RELN: variants seen among roughly 807,000 people sequenced by gnomAD.
RELN encodes reelin.
In RELN, 108 loss-of-function variants were observed where a neutral mutation model predicts 427.6. That is an observed-to-expected ratio of 0.25 (90% confidence interval 0.22 to 0.30). The LOEUF (loss-of-function observed/expected upper bound fraction) is 0.30. Among genes scored for constraint, RELN ranks in the 10% least tolerant of loss-of-function variants. The pLI, the probability that RELN is intolerant of heterozygous loss-of-function variation, is 1.00. For synonymous variants in RELN, 1,524 were observed against 1,513.4 expected (o/e 1.01, Z -0.16); for missense variants, 3,715 against 4,302.8 (o/e 0.86, Z 3.82).
intron 10 of RELN, among the ~76,000 whole-genome samples, chr7:103,682,515 A>C (rs747346249): frequency 6.6e-6 from 1 of 152,174 alleles, no homozygotes; most frequent in Non-Finnish European, 1.5e-5. Flanking sequence ...CTTCAGTATG[A>C]AACAAGAGTA....
At chr7:103,746,587 T>C (rs1790837961) in intron 6 of RELN, among the ~76,000 whole-genome samples, 1 of 151,822 alleles carries the variant, frequency 6.6e-6, no homozygotes, top group Non-Finnish European at 1.5e-5. Context: ...AACAACCCCA[T>C]CAAAAAGTGG....
intron 2 of RELN, among the ~76,000 whole-genome samples, chr7:103,913,306 A>C (rs1321533928): frequency 6.6e-6 from 1 of 152,182 alleles, no homozygotes; most frequent in African/African-American, 2.4e-5. Flanking sequence ...AAGTAGGAAA[A>C]AAACTTTCAG....
chr7:103,553,817 T>A lies in RELN; in HGVS notation c.5812A>T (p.Ile1938Phe). Residue 1938 changes from isoleucine to phenylalanine, a missense_variant, in exon 39 of 65, where the codon ATC (isoleucine) becomes TTC (phenylalanine). Physicochemically the swap from Ile to Phe is conservative, Grantham distance 21. Around this residue, in one of 4 missense-constraint regions of RELN, gnomAD observed 1,310 missense variants for 1,643.0 expected, o/e 0.80. Coordinates refer to ENST00000428762, the MANE Select transcript of RELN (RefSeq NM_005045.4). ...ATAATGAAGTCATCAACAATCCAGA[T>A]TTCTTCTTTCTTACCTAAGGCATTT... Reference protein sequence around the residue: ...QPYNNGKKEEIWIVDDFIIDG... With the variant: ...QPYNNGKKEEFWIVDDFIIDG... 1 of 1,614,044 alleles carries A rather than the reference T, an allele frequency of 6.2e-7. No homozygotes were observed. The highest frequency in any genetic ancestry group is 8.5e-7 in the Non-Finnish European group (1 of 1,179,936).
intron 24 of RELN, among the ~76,000 whole-genome samples, chr7:103,599,719 T>G (rs1049471342): frequency 7.9e-5 from 12 of 152,120 alleles, no homozygotes; most frequent in African/African-American, 2.2e-4. Context: ...GCAGAGAAGA[T>G]GAAAGGCATA....
In RELN at chr7:103,553,730, C is replaced by G; in HGVS notation, c.5899G>C (p.Glu1967Gln). ...LLDTFDFGPR[E>Q]DNWFFYPGGN... is the part of the protein sequence containing the mutation. ...CCAGGATAGAAAAACCAATTGTCTT[C>G]TCTGGGCCCAAAATCAAATGTATCC... The change falls in exon 39 of 65, where the codon GAA becomes CAA. Residue 1967 changes from glutamate to glutamine, a missense_variant. Transcript: ENST00000428762. 1 of 1,614,136 alleles carries G rather than the reference C, an allele frequency of 6.2e-7. No individual in the cohort carries two copies. The highest frequency in any genetic ancestry group is 8.5e-7 in the Non-Finnish European group (1 of 1,179,986).
chr7:103,583,013 A>G (rs975451528), intron 28 of RELN, among the ~76,000 whole-genome samples: 1 of 152,202 alleles, frequency 6.6e-6, no homozygotes, highest in African/African-American at 2.4e-5. Context: ...CAAAGTGTAC[A>G]TGGGCTCTTA....
chr7:103,633,248 AC>A (rs1303933991), intron 19 of RELN, among the ~76,000 whole-genome samples: 2 of 152,112 alleles, frequency 1.3e-5, no homozygotes, highest in Non-Finnish European at 2.9e-5. Flanking sequence ...TATGGAATTC[AC>A]GGCAATTACA....
chr7:103,519,548 A>T (rs762666857), intron 48 of RELN, 32 bp from the exon 49 acceptor site: 1 of 1,509,658 alleles, frequency 6.6e-7, no homozygotes, highest in African/African-American at 1.4e-5. Flanking sequence ...AAAAAAAGTG[A>T]TAAGGAATCT....
At position 103,560,609 on chromosome 7, in the gene RELN, C is replaced by T. The variant is rs143492407; in HGVS notation, c.5529+923G>A. Among the ~76,000 whole-genome samples the T allele has an allele frequency of 4.8e-4, 73 of 152,266 alleles. 1 individual carries two copies. The East Asian group carries it at 0.014, about 29-fold the overall frequency. On this transcript the variant is annotated intron_variant, in intron 36 of 64. Transcript: ENST00000428762. ...AGATGTGAGCTAATGGTAATGAGAA[C>T]TAACATCTTAGATAAGACAAAACAA...
At chr7:103,838,782 C>T (rs1244650906) in intron 2 of RELN, among the ~76,000 whole-genome samples, 1 of 152,220 alleles carries the variant, frequency 6.6e-6, no homozygotes, top group African/African-American at 2.4e-5. Flanking sequence ...CCTCCTGATT[C>T]CTCAAAACCC....
chr7:103,754,495 G>A (rs1420104422), intron 4 of RELN, among the ~76,000 whole-genome samples: 1 of 152,032 alleles, frequency 6.6e-6, no homozygotes, highest in African/African-American at 2.4e-5. Flanking sequence ...AAGTGAGGCT[G>A]AGAGAAGTAG....
chr7:103,595,874 T>C (rs1005397700), intron 25 of RELN, among the ~76,000 whole-genome samples: 2 of 152,166 alleles, frequency 1.3e-5, no homozygotes, highest in Admixed American at 6.5e-5. Context: ...GTACTGGTAT[T>C]AGTATTAAAC....
chr7:103,476,503 CA>C (rs779806990), intron 64 of RELN, among the ~76,000 whole-genome samples: 2 of 151,982 alleles, frequency 1.3e-5, no homozygotes, highest in Non-Finnish European at 2.9e-5. Context: ...AACAAACAAA[CA>C]AAAAAACCAC....
At chr7:103,723,735 C>T (rs890260633) in intron 7 of RELN, among the ~76,000 whole-genome samples, 1 of 152,016 alleles carries the variant, frequency 6.6e-6, no homozygotes, top group East Asian at 1.9e-4. Flanking sequence ...AATAATGGTT[C>T]CATAACTTTG....
chr7:103,924,000 G>T (rs533002238), intron 1 of RELN, among the ~76,000 whole-genome samples: 2 of 152,252 alleles, frequency 1.3e-5, no homozygotes, highest in Admixed American at 1.3e-4. Context: ...AAACAAAGAG[G>T]GGAGGGCTAA....
intron 2 of RELN, among the ~76,000 whole-genome samples, chr7:103,865,132 CAAAAAAAAAA>C (rs386410871): frequency 6.0e-5 from 4 of 67,198 alleles, no homozygotes; most frequent in African/African-American, 6.4e-5. Flanking sequence ...GAAACTGTCT[CAAAAAAAAAA>C]AAAAAAAAAA....
Position 103,535,316 on chromosome 7 carries a change from C to T in RELN, c.7349G>A (p.Arg2450Lys). 2.5e-6 allele frequency: 4 copies of T among 1,613,720 alleles called. No homozygotes were observed. Among genetic ancestry groups the T allele is most frequent in the South Asian group, 1.1e-5 (1 of 91,072 alleles). The change falls in exon 46 of 65, where the codon AGG (arginine) becomes AAG (lysine). Residue 2450 changes from arginine to lysine, a missense_variant and splice_region_variant. Physicochemically the swap from Arg to Lys is conservative, Grantham distance 26. Around this residue, in one of 4 missense-constraint regions of RELN, gnomAD observed 1,310 missense variants for 1,643.0 expected, o/e 0.80. Coordinates refer to ENST00000428762, the MANE Select transcript of RELN (RefSeq NM_005045.4). ...RITLPLPPYT[R>K]SQATRFRWHQ... Reference sequence around the variant, plus strand: ...GGTGAACATGTAGAAGCATTCTTACCTGGTATAAGGAGGGAGAGGCAGAGT... The same window carrying T: ...GGTGAACATGTAGAAGCATTCTTACTTGGTATAAGGAGGGAGAGGCAGAGT...
At chr7:103,758,673 A>T (rs959425510) in intron 4 of RELN, among the ~76,000 whole-genome samples, 11 of 150,282 alleles carry the variant, frequency 7.3e-5, no homozygotes, top group Non-Finnish European at 1.2e-4. Context: ...TGAAATTTTA[A>T]AGTTTTCAGC....
At chr7:103,705,722 C>T (rs1036853454) in intron 8 of RELN, among the ~76,000 whole-genome samples, 1 of 152,162 alleles carries the variant, frequency 6.6e-6, no homozygotes, top group Non-Finnish European at 1.5e-5. Context: ...TTTGACACTT[C>T]TAAACTGTGT....
Sources: allele counts gnomAD v4.1 joint callset (sites outside exome capture counted in the v4.1 genomes callset), GRCh38; gene constraint gnomAD v4.1.1; regional missense constraint gnomAD v4.1.1; transcripts MANE v1.5; gene names NCBI Gene and HGNC (gene_info 2026-07-23, HGNC 2026-07-21).